Variants in TJP2 observed in about 807,000 individuals in gnomAD.
The protein encoded by TJP2 is Friedreich ataxia region gene X104 (tight junction protein ZO-2).
In TJP2, 91 loss-of-function variants were observed where a neutral mutation model predicts 133.1. That is an observed-to-expected ratio of 0.68 (90% CI 0.58 to 0.81). The LOEUF (loss-of-function observed/expected upper bound fraction) is 0.81, where lower values mean the gene tolerates loss of function less well. Ranked by LOEUF, TJP2 falls within the 40% of genes least tolerant of loss-of-function variation. The pLI is 0.00. For missense variants in TJP2, 1,541 were observed against 1,565.6 expected (o/e 0.98, Z 0.26); for synonymous variants, 592 against 583.4 (o/e 1.01, Z -0.21).
At chr9:69,130,525 G>A (rs1184886051) in intron 1 of TJP2, among the ~76,000 whole-genome samples, 2 of 152,026 alleles carry the variant, frequency 1.3e-5, no homozygotes, top group Non-Finnish European at 1.5e-5. Context: ...TGTCTCTAAC[G>A]AGTGCCCACC....
In TJP2 at chr9:69,236,361, A is replaced by G. The variant is rs188054313; in HGVS notation, c.1991+123A>G. 6.1e-5 allele frequency: 60 copies of G among 977,828 alleles called. No homozygotes were observed. In the East Asian group the frequency reaches 1.5e-3, roughly 24 times the overall value. 60.6% of individuals were successfully genotyped at this position (977,828 alleles called of 1,614,324 possible). A position where few individuals can be genotyped will look rare whatever the true frequency, so the allele number is the denominator to read the frequency against. On this transcript the variant is annotated intron_variant, in intron 13 of 22. Transcript: ENST00000377245. The stretch of plus-strand genomic sequence containing the variant: ...ATGAGTTCATTACTTGTCACCATCT[A>G]TTTCTTGTTTATGGAGAGTGGCCTG...
chr9:69,220,153 A>T (rs1828704675), intron 4 of TJP2, among the ~76,000 whole-genome samples: 1 of 152,210 alleles, frequency 6.6e-6, no homozygotes, highest in Non-Finnish European at 1.5e-5. Flanking sequence ...AATAAATTAA[A>T]TAAATAAATA....
rs189916909 is a variant in TJP2 at position 69,221,421 on chromosome 9, C to A, written c.877C>A (p.Arg293=). The A allele has an allele frequency of 5.5e-5, 87 of 1,586,486 alleles. No homozygotes were observed. Among genetic ancestry groups the A allele is most frequent in the Non-Finnish European group, 7.5e-5 (87 of 1,166,494 alleles). Residue 293 remains arginine, a synonymous_variant, in exon 5 of 23, where the codon CGG becomes AGG. Transcript: ENST00000377245. ...RSRSREHPHS[R]SPSPEPRGRP... ...CCGCAGCCGCGAGCACCCGCACTCACGGAGCCCCAGCCCCGAGCCTAGGGG... is the reference window on the plus strand; with the variant it reads ...CCGCAGCCGCGAGCACCCGCACTCAAGGAGCCCCAGCCCCGAGCCTAGGGG...
Position 69,240,122 on chromosome 9 carries a change from A to G in TJP2, c.2541A>G (p.Lys847=), listed in dbSNP as rs769986765. The change falls in exon 17 of 23, where the codon AAA becomes AAG. Residue 847 remains lysine, a synonymous_variant. Transcript: ENST00000377245. ...TATTTGATCAAGCCAACAAGCTTAA[A>G]AAAACGTGTGCACACCTTTTTACAG... ...RKLFDQANKL[K]KTCAHLFTAT... is the part of the protein sequence containing the mutation. 3 of 1,614,150 alleles carry G rather than the reference A, an allele frequency of 1.9e-6. No individual in the cohort carries two copies. The highest frequency in any genetic ancestry group is 2.2e-5 in the South Asian group (2 of 91,074).
intron 11 of TJP2, among the ~76,000 whole-genome samples, chr9:69,232,916 A>G (rs1432511512): frequency 6.6e-6 from 1 of 152,202 alleles, no homozygotes. Context: ...ATCTAAGGTT[A>G]ATCTCTTGTG....
chr9:69,229,186 C>A lies in TJP2; in HGVS notation c.1456C>A (p.Pro486Thr). 1 of 1,614,060 alleles carries A rather than the reference C, an allele frequency of 6.2e-7. No homozygotes were observed. ...EPRYQEDPPA[P>T]QPKAAPRTFL... is the part of the protein sequence containing the mutation. ...AGTAGATGTTTCTTAACCTACAGCT[C>A]CTCAACCAAAAGCAGCCCCGAGAAC... Residue 486 changes from proline (P) to threonine (T), a missense_variant and splice_region_variant, in exon 10 of 23, where the codon CCT (proline) becomes ACT (threonine). Transcript: ENST00000377245.
At chr9:69,220,866 C>T in intron 4 of TJP2, 21 bp from the exon 5 acceptor site, 1 of 1,610,796 alleles carries the variant, frequency 6.2e-7, no homozygotes. Context: ...TGCGTCCACA[C>T]TGAGTTTGTT....
intron 1 of TJP2, among the ~76,000 whole-genome samples, chr9:69,143,285 CT>C: frequency 6.6e-6 from 1 of 152,192 alleles, no homozygotes; most frequent in South Asian, 2.1e-4. Flanking sequence ...TATCATGTCA[CT>C]TTTCACTGCA....
chr9:69,207,428 A>G (rs1348584218), intron 1 of TJP2, among the ~76,000 whole-genome samples: 1 of 152,130 alleles, frequency 6.6e-6, no homozygotes, highest in African/African-American at 2.4e-5. Context: ...GTATTTTAAT[A>G]ATGTATCAAT....
At chr9:69,216,923 CT>C (rs1230854280) in intron 3 of TJP2, among the ~76,000 whole-genome samples, 1 of 152,098 alleles carries the variant, frequency 6.6e-6, no homozygotes, top group African/African-American at 2.4e-5. Flanking sequence ...AGTTTTCCAA[CT>C]GCCAGCTTTC....
Position 69,253,859 on chromosome 9 carries a change from C to A in TJP2, c.3408-350C>A, listed in dbSNP as rs1831515160. ...ACACAGTCAACCAGGTTGCCTCTGG[C>A]AACAAAGAGTTCTTGGTTATGATGG... On this transcript the variant is annotated intron_variant, in intron 22 of 22. Transcript: ENST00000377245. 7 of 352,580 alleles carry A rather than the reference C, an allele frequency of 2.0e-5. 1 individual carries two copies. The highest frequency in any genetic ancestry group is 1.8e-4 in the South Asian group (7 of 37,978). The allele number at this position is 352,580 out of a possible 1,614,324, so 21.8% of individuals were successfully genotyped here. A position where few individuals can be genotyped will look rare whatever the true frequency, so the allele number is the denominator to read the frequency against.
intron 1 of TJP2, among the ~76,000 whole-genome samples, chr9:69,177,910 T>C (rs1825215455): frequency 6.6e-6 from 1 of 152,146 alleles, no homozygotes; most frequent in African/African-American, 2.4e-5. Context: ...GAGTGTCTGC[T>C]TCCACTTTTT....
chr9:69,184,291 C>A (rs779351425), intron 1 of TJP2, among the ~76,000 whole-genome samples: 1 of 152,132 alleles, frequency 6.6e-6, no homozygotes, highest in East Asian at 1.9e-4. Context: ...GGAAGCCCAC[C>A]GCTGGCTTTC....
intron 1 of TJP2, among the ~76,000 whole-genome samples, chr9:69,181,982 C>T (rs1290521421): frequency 6.6e-6 from 1 of 152,138 alleles, no homozygotes; most frequent in African/African-American, 2.4e-5. Context: ...CTTCCTCTTC[C>T]TCTCCACCCC....
chr9:69,252,681 G>C, intron 21 of TJP2, 134 bp from the exon 22 acceptor site: 1 of 852,390 alleles, frequency 1.2e-6, no homozygotes, highest in Non-Finnish European at 2.0e-6. Flanking sequence ...CCGCTTCTGT[G>C]TTTCCTCTTC....
intron 5 of TJP2, among the ~76,000 whole-genome samples, chr9:69,223,041 CCTGGGTG>C (rs763367055): frequency 0.13 from 18,261 of 143,456 alleles, 1,266 homozygotes; most frequent in African/African-American, 0.18. Context: ...TGCACTCCAG[CCTGGGTG>C]ACAGAGCGAG....
intron 1 of TJP2, among the ~76,000 whole-genome samples, chr9:69,185,041 C>T (rs1011688821): frequency 6.6e-5 from 10 of 150,792 alleles, no homozygotes; most frequent in Admixed American, 2.0e-4. Context: ...TGAGTCACCA[C>T]GCTTGGGCAG....
intron 17 of TJP2, among the ~76,000 whole-genome samples, chr9:69,242,567 T>C (rs1165497868): frequency 6.6e-6 from 1 of 152,192 alleles, no homozygotes; most frequent in Non-Finnish European, 1.5e-5. Flanking sequence ...CACCAGAAAT[T>C]GCCAATCTCT....
intron 20 of TJP2, among the ~76,000 whole-genome samples, 183 bp from the exon 21 acceptor site, chr9:69,250,852 G>A (rs781266648): frequency 1.3e-5 from 2 of 152,176 alleles, no homozygotes; most frequent in East Asian, 1.9e-4. Context: ...TATAGGAAGG[G>A]AGGTAGGGCT....
Sources: allele counts gnomAD v4.1 joint callset (sites outside exome capture counted in the v4.1 genomes callset), GRCh38; gene constraint gnomAD v4.1.1; transcripts MANE v1.5; gene names NCBI Gene and HGNC (gene_info 2026-07-23, HGNC 2026-07-21).